Variants in LUZP1 observed in about 807,000 individuals in gnomAD.
LUZP1 encodes leucine zipper protein 1.
Under a neutral mutation model 71.3 loss-of-function variants are expected in LUZP1, and 25 were observed. The ratio of observed to expected loss-of-function variants is 0.35; its 90% CI spans 0.26 to 0.49. The LOEUF is 0.49. Ranked by LOEUF, LUZP1 falls within the 20% of genes least tolerant of loss-of-function variation. LUZP1 has a pLI of 0.99. For synonymous variants in LUZP1, 481 were observed against 506.4 expected (o/e 0.95, Z 0.67); for missense variants, 1,142 against 1,300.8 (o/e 0.88, Z 1.88).
intron 2 of LUZP1, among the ~76,000 whole-genome samples, chr1:23,130,470 A>G (rs1191634180): frequency 1.3e-5 from 2 of 152,118 alleles, no homozygotes; most frequent in African/African-American, 4.8e-5. Context: ...AGAAAAAAAT[A>G]AAAGAGGGAA....
At chr1:23,132,771 A>G (rs1644224826) in intron 2 of LUZP1, among the ~76,000 whole-genome samples, 1 of 152,216 alleles carries the variant, frequency 6.6e-6, no homozygotes, top group African/African-American at 2.4e-5. Context: ...CTGAATTCCA[A>G]TGAATAGTCT....
Position 23,088,980 on chromosome 1 carries a change from G to T in LUZP1, c.3146C>A (p.Pro1049His), listed in dbSNP as rs748482461. The T allele has an allele frequency of 3.1e-6, 5 of 1,614,168 alleles. No homozygotes were observed. The Admixed American group carries it at 8.3e-5, about 27-fold the overall frequency. Residue 1049 changes from proline (P) to histidine (H), a missense_variant, in exon 5 of 5, where the codon CCT (proline) becomes CAT (histidine). Pro to His is a moderately conservative substitution (Grantham distance 77). Transcript: ENST00000302291. ...AGACTCTGGCAGCCCCTGCTTCCCA[G>T]GCAGTTCAGACGGATCCAGGGAGTT...
chr1:23,092,609 T>C (rs758576593), exon 4 of LUZP1: 2 of 1,614,116 alleles, frequency 1.2e-6, no homozygotes, highest in Admixed American at 1.7e-5. Context: ...CCTGAGTTAC[T>C]TGACTTCCGT....
At chr1:23,177,104 T>TCACTA (rs1295476212) in intron 1 of LUZP1, among the ~76,000 whole-genome samples, 1 of 152,006 alleles carries the variant, frequency 6.6e-6, no homozygotes, top group Non-Finnish European at 1.5e-5. Flanking sequence ...TTTCCCAGGC[T>TCACTA]GGTCTCAAAC....
chr1:23,174,929 TTTCATTCA>T (rs138531275), intron 1 of LUZP1, among the ~76,000 whole-genome samples: 1,958 of 152,166 alleles, frequency 0.013, 28 homozygotes, highest in African/African-American at 0.044. Context: ...ACTACATGCA[TTTCATTCA>T]TTCATTCATT....
exon 2 of LUZP1, chr1:23,168,904 GT>G (rs1290964925): frequency 1.3e-5 from 2 of 152,212 alleles, no homozygotes; most frequent in African/African-American, 2.4e-5. Context: ...GGAAGGCGGG[GT>G]CTTTGTGATG....
intron 2 of LUZP1, among the ~76,000 whole-genome samples, chr1:23,129,199 T>C (rs1395626083): frequency 3.9e-5 from 6 of 152,222 alleles, no homozygotes; most frequent in Non-Finnish European, 7.3e-5. Flanking sequence ...ATGATCAAGA[T>C]AGGACAATCT....
At chr1:23,119,452 A>T (rs1027075879) in intron 2 of LUZP1, among the ~76,000 whole-genome samples, 22 of 152,104 alleles carry the variant, frequency 1.4e-4, no homozygotes, top group Non-Finnish European at 2.9e-5. Context: ...AGCTTTAAAA[A>T]TAACAAGCTA....
At chr1:23,110,635 T>C (rs10642748) in intron 2 of LUZP1, among the ~76,000 whole-genome samples, 5,484 of 41,852 alleles carry the variant, frequency 0.13, 176 homozygotes, top group Middle Eastern at 0.22. Context: ...CGCGCACACA[T>C]ACACACACAC....
At chr1:23,119,506 TTAAGA>T (rs1644113921) in intron 2 of LUZP1, among the ~76,000 whole-genome samples, 1 of 152,144 alleles carries the variant, frequency 6.6e-6, no homozygotes, top group Non-Finnish European at 1.5e-5. Flanking sequence ...CCAGGCCTCA[TTAAGA>T]TATCTCTTAC....
chr1:23,131,977 C>T (rs1354732402), intron 2 of LUZP1, among the ~76,000 whole-genome samples: 16 of 152,110 alleles, frequency 1.1e-4, no homozygotes, highest in African/African-American at 3.9e-4. Context: ...TGAGCCACTG[C>T]GCCCGGCCCA....
chr1:23,145,753 G>A (rs1405254513), intron 2 of LUZP1, among the ~76,000 whole-genome samples: 2 of 152,094 alleles, frequency 1.3e-5, no homozygotes, highest in East Asian at 1.9e-4. Context: ...GATTACCGGC[G>A]TGAGCCACTG....
intron 3 of LUZP1, among the ~76,000 whole-genome samples, chr1:23,096,168 T>A (rs1392957669): frequency 6.8e-6 from 1 of 147,970 alleles, no homozygotes; most frequent in African/African-American, 2.5e-5. Flanking sequence ...CAAGGTGCTA[T>A]CAACAAAGAT....
chr1:23,163,397 AT>A (rs1243253449), intron 2 of LUZP1, among the ~76,000 whole-genome samples: 14 of 149,170 alleles, frequency 9.4e-5, no homozygotes, highest in East Asian at 8.0e-4. Flanking sequence ...AAAAAAAAAA[AT>A]GTTTCTTAAT....
chr1:23,171,632 A>G (rs1337557932), intron 1 of LUZP1, among the ~76,000 whole-genome samples: 3 of 152,252 alleles, frequency 2.0e-5, no homozygotes, highest in Admixed American at 6.5e-5. Context: ...CCTATGCTGC[A>G]GGCAGGCACA....
intron 2 of LUZP1, among the ~76,000 whole-genome samples, chr1:23,113,519 C>A (rs1171740049): frequency 6.6e-6 from 1 of 152,122 alleles, no homozygotes; most frequent in Admixed American, 6.6e-5. Context: ...CCAAGACAAC[C>A]CAGATGCTGA....
chr1:23,089,105 C>T (rs753219838), intron 4 of LUZP1, 52 bp from the exon 4 acceptor site: 22 of 1,566,056 alleles, frequency 1.4e-5, no homozygotes, highest in East Asian at 4.5e-5. Context: ...AAGTGAGGAC[C>T]GAGACACCCT....
At chr1:23,162,277 T>A (rs984365160) in intron 2 of LUZP1, among the ~76,000 whole-genome samples, 3 of 152,032 alleles carry the variant, frequency 2.0e-5, no homozygotes, top group African/African-American at 7.2e-5. Flanking sequence ...GGATAGGGGC[T>A]TCTAGGTACT....
chr1:23,138,693 GTGTGTATATA>G (rs1257969018), intron 2 of LUZP1, among the ~76,000 whole-genome samples: 34 of 107,232 alleles, frequency 3.2e-4, no homozygotes, highest in African/African-American at 1.6e-3. Flanking sequence ...GTGTGTGTGT[GTGTGTATATA>G]TATATATATA....
Sources: allele counts gnomAD v4.1 joint callset (sites outside exome capture counted in the v4.1 genomes callset), GRCh38; gene constraint gnomAD v4.1.1; transcripts MANE v1.5; gene names NCBI Gene and HGNC (gene_info 2026-07-23, HGNC 2026-07-21).